The following CDH13 variants were observed in gnomAD, a reference collection of about 807,000 sequenced individuals.
CDH13 encodes the protein cadherin-13.
CDH13 carries 24 observed loss-of-function variants against 63.8 expected under a neutral mutation model. That is an observed-to-expected ratio of 0.38 (90% CI 0.27 to 0.53). The LOEUF (loss-of-function observed/expected upper bound fraction) is 0.53. CDH13 is among the 20% of genes least tolerant of loss of function. The probability of loss-of-function intolerance (pLI) is 0.85; values close to 1 mark genes in which losing one functional copy is unlikely to be tolerated. For missense variants in CDH13, 1,049 were observed against 903.1 expected (o/e 1.16, Z -2.07); for synonymous variants, 503 against 355.3 (o/e 1.42, Z -4.67).
intron 4 of CDH13, among the ~76,000 whole-genome samples, chr16:83,161,765 C>T (rs1223627460): frequency 6.6e-6 from 1 of 152,266 alleles, no homozygotes; most frequent in Middle Eastern, 3.4e-3. Context: ...TACCTCTTCC[C>T]TACTAATTAC....
At chr16:83,096,835 TA>T (rs1260507196) in intron 3 of CDH13, among the ~76,000 whole-genome samples, 1 of 152,232 alleles carries the variant, frequency 6.6e-6, no homozygotes, top group Non-Finnish European at 1.5e-5. Flanking sequence ...ATGATTTTTT[TA>T]TACCTGGAGT....
intron 10 of CDH13, among the ~76,000 whole-genome samples, chr16:83,728,342 CGT>C (rs145865689): frequency 1.0e-4 from 15 of 149,228 alleles, no homozygotes; most frequent in East Asian, 3.9e-4. Context: ...TATGTGTGTG[CGT>C]GTGTGTGTGT....
intron 5 of CDH13, among the ~76,000 whole-genome samples, chr16:83,278,617 C>G (rs2089066450): frequency 6.6e-6 from 1 of 152,212 alleles, no homozygotes; most frequent in Non-Finnish European, 1.5e-5. Context: ...TAAATCCGTT[C>G]TCTCTTTCAA....
chr16:82,716,132 A>T (rs2032355807), intron 1 of CDH13, among the ~76,000 whole-genome samples: 1 of 152,204 alleles, frequency 6.6e-6, no homozygotes, highest in Non-Finnish European at 1.5e-5. Flanking sequence ...GGAGACTGCA[A>T]CAGCTGCCAG....
chr16:83,184,909 G>T lies in CDH13; in HGVS notation c.484-32436G>T, dbSNP rs960600206. Among the ~76,000 whole-genome samples, 13 of 133,808 alleles carry T rather than the reference G, an allele frequency of 9.7e-5. No homozygotes were observed. The East Asian group carries it at 2.3e-3, about 24-fold the overall frequency. The allele number at this position is 133,808 out of a possible 152,430, so 87.8% of individuals were successfully genotyped here. A position where few individuals can be genotyped will look rare whatever the true frequency, so the allele number is the denominator to read the frequency against. On this transcript the variant is annotated intron_variant, in intron 4 of 13. Transcript: ENST00000567109. ...TGTGTGTGTGTGTGTGTGTGTGTGCGTGTGTGTGTGTAGTAGCAGCTTATT... is the reference window on the plus strand; with the variant it reads ...TGTGTGTGTGTGTGTGTGTGTGTGCTTGTGTGTGTGTAGTAGCAGCTTATT...
At chr16:83,457,392 G>C (rs565275462) in intron 6 of CDH13, among the ~76,000 whole-genome samples, 1 of 152,116 alleles carries the variant, frequency 6.6e-6, no homozygotes, top group Non-Finnish European at 1.5e-5. Flanking sequence ...AAGTCAGAAG[G>C]ACATAGGATC....
intron 2 of CDH13, among the ~76,000 whole-genome samples, chr16:83,007,946 C>G (rs565940191): frequency 6.6e-6 from 1 of 152,104 alleles, no homozygotes; most frequent in East Asian, 1.9e-4. Context: ...TATATTTGTC[C>G]TTTTCCTCAA....
chr16:83,124,299 G>T (rs2035717231), intron 3 of CDH13, among the ~76,000 whole-genome samples: 2 of 152,168 alleles, frequency 1.3e-5, no homozygotes, highest in South Asian at 4.1e-4. Flanking sequence ...GCCTGCCCTG[G>T]CCTCCCAAAG....
chr16:83,740,533 G>A (rs1351216454), intron 10 of CDH13, among the ~76,000 whole-genome samples: 5 of 152,180 alleles, frequency 3.3e-5, no homozygotes, highest in African/African-American at 1.2e-4. Flanking sequence ...TGTTGTCATG[G>A]TAGGGATCAG....
intron 5 of CDH13, among the ~76,000 whole-genome samples, chr16:83,266,726 A>C (rs1907668162): frequency 6.6e-6 from 1 of 152,236 alleles, no homozygotes; most frequent in Admixed American, 6.5e-5. Context: ...CAGCACAACA[A>C]ACATCACAAC....
At chr16:82,803,344 C>G (rs1483255418) in intron 1 of CDH13, among the ~76,000 whole-genome samples, 1 of 152,166 alleles carries the variant, frequency 6.6e-6, no homozygotes, top group Non-Finnish European at 1.5e-5. Context: ...ATTGGGCCTT[C>G]TTTATCTCAG....
chr16:83,650,875 C>G (rs1254346223), intron 8 of CDH13, among the ~76,000 whole-genome samples: 3 of 151,920 alleles, frequency 2.0e-5, no homozygotes, highest in Non-Finnish European at 1.5e-5. Flanking sequence ...GAGTTCAAGA[C>G]CAGCCTGGGC....
intron 7 of CDH13, among the ~76,000 whole-genome samples, chr16:83,562,323 A>C (rs190339433): frequency 6.6e-6 from 1 of 152,322 alleles, no homozygotes; most frequent in East Asian, 1.9e-4. Context: ...GTTCAGCTCT[A>C]CTACCAGAAT....
At chr16:83,221,659 G>A (rs74034416) in intron 5 of CDH13, among the ~76,000 whole-genome samples, 2,370 of 149,032 alleles carry the variant, frequency 0.016, 72 homozygotes, top group African/African-American at 0.057. Flanking sequence ...GAGGAAGACG[G>A]TGGGGGGGCG....
At chr16:83,060,276 C>A (rs572579668) in intron 3 of CDH13, among the ~76,000 whole-genome samples, 1 of 152,140 alleles carries the variant, frequency 6.6e-6, no homozygotes, top group Non-Finnish European at 1.5e-5. Flanking sequence ...GAATATAGGT[C>A]ATTTGTCCCA....
chr16:83,224,815 G>A lies in CDH13; in HGVS notation c.636+7318G>A, dbSNP rs76715454. On this transcript the variant is annotated intron_variant, in intron 5 of 13. Coordinates refer to ENST00000567109, the MANE Select transcript of CDH13 (RefSeq NM_001257.5). The stretch of plus-strand genomic sequence containing the variant: ...ATCTCCTAACAGTGTTATCATTAGT[G>A]GGTGTTTATCACTCAGCCCAGTCAC... Among the ~76,000 whole-genome samples the A allele has an allele frequency of 3.7e-3, 558 of 152,294 alleles. 2 individuals carry two copies. The highest frequency in any genetic ancestry group is 6.1e-3 in the Non-Finnish European group (412 of 68,036).
At chr16:82,911,311 T>C (rs887563716) in intron 2 of CDH13, among the ~76,000 whole-genome samples, 2 of 152,224 alleles carry the variant, frequency 1.3e-5, no homozygotes, top group East Asian at 3.9e-4. Flanking sequence ...GAATAGTTTA[T>C]CAGTTCAGCT....
intron 2 of CDH13, among the ~76,000 whole-genome samples, chr16:82,940,889 A>G (rs1027818485): frequency 1.3e-5 from 2 of 152,208 alleles, no homozygotes; most frequent in Non-Finnish European, 2.9e-5. Context: ...TTATTCAGAT[A>G]AAAGCCTCAG....
chr16:82,793,056 T>C (rs1184653838), intron 1 of CDH13, among the ~76,000 whole-genome samples: 5 of 152,236 alleles, frequency 3.3e-5, no homozygotes, highest in African/African-American at 1.2e-4. Context: ...GATGGAGTTA[T>C]TCACAGATGG....
Sources: allele counts gnomAD v4.1 joint callset (sites outside exome capture counted in the v4.1 genomes callset), GRCh38; gene constraint gnomAD v4.1.1; transcripts MANE v1.5; gene names NCBI Gene and HGNC (gene_info 2026-07-23, HGNC 2026-07-21).